PCDHA7: variants seen among roughly 807,000 people sequenced by gnomAD.
The protein encoded by PCDHA7 is protocadherin alpha-7.
A neutral mutation model predicts 57.2 loss-of-function variants in PCDHA7; 37 were observed. The observed-to-expected ratio is 0.65, with a 90% CI of 0.50 to 0.85. The LOEUF (loss-of-function observed/expected upper bound fraction) is 0.85. PCDHA7 is among the 40% of genes least tolerant of loss of function. The pLI is 0.00. For synonymous variants in PCDHA7, 553 were observed against 558.8 expected, an observed-to-expected ratio of 0.99 and a Z score of 0.15; for missense variants, 1,188 against 1,241.8, an observed-to-expected ratio of 0.96 and a Z score of 0.65.
chr5:140,871,113 G>C, intron 1 of PCDHA7: 1 of 1,613,306 alleles, frequency 6.2e-7, no homozygotes. Flanking sequence ...CGTTGGTGGA[G>C]AGCGGACAGG....
At position 140,856,143 on chromosome 5, in the gene PCDHA7, A is replaced by G. The variant is rs782449893; in HGVS notation, c.2355+19405A>G. 6 of 1,598,020 alleles carry G rather than the reference A, an allele frequency of 3.8e-6. 1 individual carries two copies. The South Asian group carries it at 6.6e-5, about 18-fold the overall frequency. On this transcript the variant is annotated intron_variant, in intron 1 of 3. Coordinates refer to ENST00000525929, the MANE Select transcript of PCDHA7 (RefSeq NM_018910.3). ...GAGGTGGGGAGCGGCCAGCTCCACTACTCAGTCTACGAGGAGGCCAGACAC... is the reference window on the plus strand; with the variant it reads ...GAGGTGGGGAGCGGCCAGCTCCACTGCTCAGTCTACGAGGAGGCCAGACAC...
chr5:140,919,915 A>G (rs1306747919), intron 1 of PCDHA7, among the ~76,000 whole-genome samples: 1 of 152,202 alleles, frequency 6.6e-6, no homozygotes, highest in Non-Finnish European at 1.5e-5. Context: ...AAATTACCCT[A>G]AATTTTCAGG....
At chr5:140,843,915 T>C in intron 1 of PCDHA7, 1 of 619,744 alleles carries the variant, frequency 1.6e-6, no homozygotes, top group East Asian at 2.9e-5. Flanking sequence ...GTTGGGTCTA[T>C]CTTGAAACTC....
At chr5:140,877,663 C>G in intron 1 of PCDHA7, 4 of 1,613,552 alleles carry the variant, frequency 2.5e-6, no homozygotes, top group Non-Finnish European at 3.4e-6. Context: ...CACCGTGAGC[C>G]GGTGCGCGCC....
intron 1 of PCDHA7, among the ~76,000 whole-genome samples, chr5:140,899,594 G>A (rs1583347259): frequency 1.3e-5 from 2 of 152,238 alleles, no homozygotes; most frequent in Non-Finnish European, 2.9e-5. Flanking sequence ...GTATTTTATT[G>A]AGGACTTTTG....
At chr5:140,916,264 A>G (rs1455161672) in intron 1 of PCDHA7, among the ~76,000 whole-genome samples, 1 of 152,200 alleles carries the variant, frequency 6.6e-6, no homozygotes, top group East Asian at 1.9e-4. Flanking sequence ...CCCCAAGAGC[A>G]TGCTTGTTGC....
rs374146742 is a variant in PCDHA7 at position 140,927,954 on chromosome 5, C to T, written c.2356-50995C>T. ...CGAACCCAGTACCTGAGGACGCTGC[C>T]CCTGGCACAGTGATTGCTCTCTTTA... On this transcript the variant is annotated intron_variant, in intron 1 of 3. Transcript: ENST00000525929. The T allele has an allele frequency of 5.2e-5, 84 of 1,614,080 alleles. No homozygotes were observed. In the African/African-American group the frequency reaches 1.0e-3, roughly 19 times the overall value.
chr5:140,850,106 G>A lies in PCDHA7; in HGVS notation c.2355+13368G>A, dbSNP rs2150467412. 3.5e-5 allele frequency: 56 copies of A among 1,596,106 alleles called. 1 individual carries two copies. Among genetic ancestry groups the A allele is most frequent in the African/African-American group, 4.0e-5 (3 of 74,354 alleles). ...AGCTGCTACAGTTCCAGGTGAGCGC[G>A]CGCGACGCGGGCGTGCCGCCTCTGG... is the stretch of plus-strand genomic sequence containing the variant. On this transcript the variant is annotated intron_variant, in intron 1 of 3. Transcript: ENST00000525929.
chr5:140,850,137 A>G, intron 1 of PCDHA7: 1 of 1,595,786 alleles, frequency 6.3e-7, no homozygotes, highest in South Asian at 1.1e-5. Flanking sequence ...TCTGGGCAGC[A>G]ACGTGACGCT....
At chr5:140,865,937 T>A (rs529378074) in intron 1 of PCDHA7, 1 of 152,330 alleles carries the variant, frequency 6.6e-6, no homozygotes, top group South Asian at 2.1e-4. Context: ...AGAAACTTCA[T>A]GATTGTCTTC....
chr5:140,871,278 G>T (rs782014542), intron 1 of PCDHA7: 3 of 1,613,918 alleles, frequency 1.9e-6, no homozygotes, highest in East Asian at 4.5e-5. Flanking sequence ...GGTCGGCAAC[G>T]CCCACTGAGG....
intron 1 of PCDHA7, chr5:140,871,069 C>G: frequency 6.2e-7 from 1 of 1,613,228 alleles, no homozygotes; most frequent in East Asian, 2.2e-5. Context: ...TCACGGTGAG[C>G]CGGCGCTGAC....
At chr5:140,915,445 G>C (rs2077121673) in intron 1 of PCDHA7, among the ~76,000 whole-genome samples, 1 of 152,024 alleles carries the variant, frequency 6.6e-6, no homozygotes, top group Non-Finnish European at 1.5e-5. Context: ...TTCTTGAGAA[G>C]GTTTTCCAGA....
At chr5:140,974,151 G>A (rs2096617637) in intron 1 of PCDHA7, among the ~76,000 whole-genome samples, 1 of 152,118 alleles carries the variant, frequency 6.6e-6, no homozygotes, top group Non-Finnish European at 1.5e-5. Context: ...ACTATACAAG[G>A]GTTTTTCTTT....
intron 1 of PCDHA7, among the ~76,000 whole-genome samples, chr5:140,950,687 C>A (rs2153690415): frequency 6.6e-6 from 1 of 152,106 alleles, no homozygotes; most frequent in South Asian, 2.1e-4. Context: ...ATATTGTTAA[C>A]CAAATTTGAC....
At chr5:140,941,209 T>TCC (rs59604197) in intron 1 of PCDHA7, among the ~76,000 whole-genome samples, 12 of 126,888 alleles carry the variant, frequency 9.5e-5, no homozygotes, top group Admixed American at 4.0e-4. Flanking sequence ...CTTCCTTTCT[T>TCC]TCTTCCTTTC....
At chr5:140,880,944 G>A (rs1256173059) in intron 1 of PCDHA7, among the ~76,000 whole-genome samples, 2 of 152,198 alleles carry the variant, frequency 1.3e-5, no homozygotes, top group African/African-American at 4.8e-5. Context: ...AATGGAGCAG[G>A]AGAGGATGAT....
At chr5:141,002,133 C>T (rs1172462824) in intron 3 of PCDHA7, among the ~76,000 whole-genome samples, 2 of 152,248 alleles carry the variant, frequency 1.3e-5, no homozygotes, top group African/African-American at 4.8e-5. Context: ...ATAGCCTTTG[C>T]CGGCTGCACT....
intron 1 of PCDHA7, chr5:140,871,151 C>T: frequency 6.2e-7 from 1 of 1,613,328 alleles, no homozygotes; most frequent in Non-Finnish European, 8.5e-7. Flanking sequence ...CGGACTTTGG[C>T]GGGCGCCGCG....
Sources: gnomAD v4.1 joint callset for allele counts (sites outside exome capture counted in the v4.1 genomes callset) on GRCh38, gnomAD v4.1.1 for gene constraint, MANE v1.5 for transcripts, NCBI Gene and HGNC (gene_info 2026-07-23, HGNC 2026-07-21) for gene names.